The following SLC4A4 variants were observed in gnomAD, a reference collection of about 807,000 sequenced individuals.
SLC4A4 encodes solute carrier family 4 member 4, also known as electrogenic sodium bicarbonate cotransporter 1.
In SLC4A4, 27 loss-of-function variants were observed where a neutral mutation model predicts 111.5. The ratio of observed to expected loss-of-function variants is 0.24; its 90% CI spans 0.18 to 0.33. The LOEUF (loss-of-function observed/expected upper bound fraction) is 0.33. SLC4A4 is among the 10% of genes least tolerant of loss of function. SLC4A4 has a pLI of 1.00. For missense variants in SLC4A4, 909 were observed against 1,315.5 expected (o/e 0.69, Z 4.78); for synonymous variants, 443 against 463.4 (o/e 0.96, Z 0.57).
At chr4:71,279,313 G>C (rs2149089687) in intron 3 of SLC4A4, among the ~76,000 whole-genome samples, 1 of 151,912 alleles carries the variant, frequency 6.6e-6, no homozygotes, top group South Asian at 2.1e-4. Flanking sequence ...TTTTCTTTAA[G>C]ATTCCACATA....
intron 2 of SLC4A4, among the ~76,000 whole-genome samples, chr4:71,144,428 G>A (rs1399146609): frequency 2.0e-5 from 3 of 152,076 alleles, no homozygotes; most frequent in African/African-American, 4.8e-5. Context: ...CTGGCAATGC[G>A]GGCTCTTTTT....
intron 16 of SLC4A4, among the ~76,000 whole-genome samples, chr4:71,507,635 A>G (rs1017462827): frequency 2.0e-5 from 3 of 152,208 alleles, no homozygotes; most frequent in African/African-American, 7.2e-5. Context: ...CTCCCACACA[A>G]TAATGGTGCA....
intron 3 of SLC4A4, among the ~76,000 whole-genome samples, chr4:71,302,802 A>G (rs949395920): frequency 7.2e-5 from 11 of 152,232 alleles, no homozygotes; most frequent in African/African-American, 2.2e-4. Context: ...TGGCAATCAT[A>G]TAGGAAAAGA....
chr4:71,387,157 C>T (rs1297249684), intron 6 of SLC4A4, among the ~76,000 whole-genome samples: 1 of 152,134 alleles, frequency 6.6e-6, no homozygotes, highest in Non-Finnish European at 1.5e-5. Context: ...TGGCAGATTC[C>T]AATGTGAGTT....
intron 5 of SLC4A4, among the ~76,000 whole-genome samples, chr4:71,351,897 C>T (rs2097062354): frequency 6.6e-6 from 1 of 152,072 alleles, no homozygotes; most frequent in South Asian, 2.1e-4. Context: ...TACAAATCTG[C>T]ATTTGTAGTT....
intron 3 of SLC4A4, among the ~76,000 whole-genome samples, chr4:71,257,112 G>A (rs1307606193): frequency 6.6e-6 from 1 of 152,182 alleles, no homozygotes; most frequent in Non-Finnish European, 1.5e-5. Context: ...GAGACCGCAT[G>A]TGTATCAACC....
chr4:71,179,877 A>T (rs1389256385), intron 2 of SLC4A4, among the ~76,000 whole-genome samples: 1 of 152,212 alleles, frequency 6.6e-6, no homozygotes, highest in Non-Finnish European at 1.5e-5. Context: ...AACCAAAAAA[A>T]GAGCCCACAT....
intron 7 of SLC4A4, among the ~76,000 whole-genome samples, chr4:71,424,417 G>T (rs1237203512): frequency 1.3e-5 from 2 of 151,556 alleles, no homozygotes. Context: ...TTCAACCATT[G>T]TGGAAGTCAG....
At chr4:71,527,643 A>G (rs1733535394) in intron 16 of SLC4A4, among the ~76,000 whole-genome samples, 2 of 151,936 alleles carry the variant, frequency 1.3e-5, no homozygotes. Flanking sequence ...TTTCTGCCAA[A>G]GAATTGCAGA....
At chr4:71,408,446 A>G (rs1288795733) in intron 7 of SLC4A4, among the ~76,000 whole-genome samples, 1 of 152,038 alleles carries the variant, frequency 6.6e-6, no homozygotes, top group Non-Finnish European at 1.5e-5. Flanking sequence ...CTGCTTTTTT[A>G]TTTTTGGTTT....
intron 7 of SLC4A4, among the ~76,000 whole-genome samples, chr4:71,413,531 A>G (rs1323275537): frequency 1.3e-5 from 2 of 152,212 alleles, no homozygotes. Flanking sequence ...TTTTGTCATC[A>G]TATTTGATGT....
intron 14 of SLC4A4, among the ~76,000 whole-genome samples, chr4:71,477,458 A>G (rs1009687764): frequency 1.3e-5 from 2 of 151,790 alleles, no homozygotes; most frequent in African/African-American, 4.8e-5. Flanking sequence ...CTTCTCCCCC[A>G]AAATTAACAA....
chr4:71,570,129 A>G lies in SLC4A4; in HGVS notation c.*2378A>G, dbSNP rs1737829653. On this transcript the variant is annotated 3_prime_UTR_variant, in exon 26 of 26. Coordinates refer to ENST00000264485, the MANE Select transcript of SLC4A4 (RefSeq NM_001098484.3). Reference sequence around the variant, plus strand: ...CTTAAGTTAAAGGTACTTTTGTTTTATAAAAGCTCTAGATAAAACTTTCTT... The same window carrying G: ...CTTAAGTTAAAGGTACTTTTGTTTTGTAAAAGCTCTAGATAAAACTTTCTT... 1 of 151,790 alleles carries G rather than the reference A, an allele frequency of 6.6e-6. No homozygotes were observed. The highest frequency in any genetic ancestry group is 6.6e-5 in the Admixed American group (1 of 15,196). 9.4% of individuals were successfully genotyped at this position (151,790 alleles called of 1,614,324 possible). A position where few individuals can be genotyped will look rare whatever the true frequency, so the allele number is the denominator to read the frequency against.
At chr4:71,432,867 G>A (rs1315592559) in intron 7 of SLC4A4, among the ~76,000 whole-genome samples, 3 of 151,906 alleles carry the variant, frequency 2.0e-5, no homozygotes, top group East Asian at 1.9e-4. Context: ...GGGGAAATGG[G>A]GTCATGCCTG....
chr4:71,171,949 G>A (rs561453257), intron 2 of SLC4A4, among the ~76,000 whole-genome samples: 1 of 152,334 alleles, frequency 6.6e-6, no homozygotes, highest in South Asian at 2.1e-4. Context: ...GAGGCAGAGA[G>A]AGTTGTCTAT....
chr4:71,324,796 CAGATATTT>C (rs1727386681), intron 3 of SLC4A4, among the ~76,000 whole-genome samples: 1 of 151,958 alleles, frequency 6.6e-6, no homozygotes, highest in South Asian at 2.1e-4. Flanking sequence ...AGCTACGGTA[CAGATATTT>C]CTTAAAAATG....
intron 15 of SLC4A4, among the ~76,000 whole-genome samples, chr4:71,490,545 G>A (rs1729806596): frequency 6.6e-6 from 1 of 151,782 alleles, no homozygotes; most frequent in Admixed American, 6.6e-5. Context: ...GCCTTCAGAT[G>A]GCAGATACCT....
At chr4:71,378,020 A>T (rs907436551) in intron 6 of SLC4A4, among the ~76,000 whole-genome samples, 1 of 152,142 alleles carries the variant, frequency 6.6e-6, no homozygotes, top group African/African-American at 2.4e-5. Context: ...AACCCATCAG[A>T]TCTCGTAAGA....
chr4:71,102,101 G>C (rs1310131565), intron 2 of SLC4A4, among the ~76,000 whole-genome samples: 1 of 152,078 alleles, frequency 6.6e-6, no homozygotes, highest in Non-Finnish European at 1.5e-5. Flanking sequence ...TGAAAACCAA[G>C]GCTCAAGAAC....
Sources: allele counts gnomAD v4.1 joint callset (sites outside exome capture counted in the v4.1 genomes callset), GRCh38; gene constraint gnomAD v4.1.1; transcripts MANE v1.5; gene names NCBI Gene and HGNC (gene_info 2026-07-23, HGNC 2026-07-21).